PRDM16: variants seen among roughly 807,000 people sequenced by gnomAD.
PRDM16 encodes histone-lysine N-methyltransferase PRDM16.
PRDM16 carries 23 observed loss-of-function variants against 110.6 expected under a neutral mutation model. The ratio of observed to expected loss-of-function variants is 0.21; its 90% CI spans 0.15 to 0.29. The LOEUF (loss-of-function observed/expected upper bound fraction) is 0.29, where lower values mean the gene tolerates loss of function less well. Ranked by LOEUF, PRDM16 falls within the 10% of genes least tolerant of loss-of-function variation. The pLI, the probability that PRDM16 is intolerant of heterozygous loss-of-function variation, is 1.00. For missense variants in PRDM16, 1,615 were observed against 1,794.3 expected (o/e 0.90, Z 1.81); for synonymous variants, 799 against 781.8 (o/e 1.02, Z -0.37).
intron 3 of PRDM16, among the ~76,000 whole-genome samples, chr1:3,324,730 C>T (rs12411233): frequency 0.02 from 3,077 of 151,212 alleles, 163 homozygotes; most frequent in East Asian, 0.11. Flanking sequence ...CCCCTGATTC[C>T]GTCGTCACCC....
chr1:3,153,167 C>T (rs576296550), intron 1 of PRDM16, among the ~76,000 whole-genome samples: 1 of 152,334 alleles, frequency 6.6e-6, no homozygotes, highest in Non-Finnish European at 1.5e-5. Flanking sequence ...GTGACCCCTC[C>T]CCTGCCACCT....
At chr1:3,272,535 C>A (rs188117031) in intron 3 of PRDM16, among the ~76,000 whole-genome samples, 3 of 152,190 alleles carry the variant, frequency 2.0e-5, no homozygotes, top group African/African-American at 7.2e-5. Context: ...GGGAAACACC[C>A]GCCTCCTGGG....
At chr1:3,187,845 G>A (rs915247182) in intron 2 of PRDM16, among the ~76,000 whole-genome samples, 1 of 152,194 alleles carries the variant, frequency 6.6e-6, no homozygotes, top group Non-Finnish European at 1.5e-5. Flanking sequence ...GAGCTGTGGG[G>A]GTCCCGGTGC....
At chr1:3,357,169 G>A (rs1024135407) in intron 3 of PRDM16, among the ~76,000 whole-genome samples, 1 of 152,046 alleles carries the variant, frequency 6.6e-6, no homozygotes, top group Non-Finnish European at 1.5e-5. Flanking sequence ...GCCCTGGGAA[G>A]CCTCAGCAGC....
chr1:3,289,401 T>C (rs962504009), intron 3 of PRDM16, among the ~76,000 whole-genome samples: 2 of 152,198 alleles, frequency 1.3e-5, no homozygotes, highest in African/African-American at 4.8e-5. Context: ...TGGGTGTCTG[T>C]CGACAAATTC....
intron 3 of PRDM16, among the ~76,000 whole-genome samples, chr1:3,270,340 G>A (rs1490418730): frequency 6.8e-6 from 1 of 146,938 alleles, no homozygotes; most frequent in Non-Finnish European, 1.5e-5. Context: ...TGACAGTCAG[G>A]GAAGAGGACA....
At chr1:3,279,303 CT>C (rs1640658238) in intron 3 of PRDM16, among the ~76,000 whole-genome samples, 1 of 152,208 alleles carries the variant, frequency 6.6e-6, no homozygotes, top group Non-Finnish European at 1.5e-5. Flanking sequence ...GTCAGGCCGC[CT>C]CTGCAGCGGG....
chr1:3,135,732 G>A (rs574630976), intron 1 of PRDM16, among the ~76,000 whole-genome samples: 3 of 152,198 alleles, frequency 2.0e-5, no homozygotes, highest in Admixed American at 2.0e-4. Context: ...TTATAGGGTC[G>A]GGTTACCCCG....
intron 12 of PRDM16, among the ~76,000 whole-genome samples, chr1:3,419,739 C>T (rs1011761227): frequency 3.9e-5 from 6 of 152,082 alleles, no homozygotes; most frequent in African/African-American, 1.4e-4. Context: ...GTCTGTGTCT[C>T]CATCCCTGGG....
chr1:3,115,813 T>C (rs1283088462), intron 1 of PRDM16, among the ~76,000 whole-genome samples: 2 of 152,224 alleles, frequency 1.3e-5, no homozygotes, highest in African/African-American at 4.8e-5. Flanking sequence ...AGGTGCTGTC[T>C]TCCCAAAAGC....
chr1:3,125,602 C>T lies in PRDM16; in HGVS notation c.37+56306C>T, dbSNP rs139244884. On this transcript the variant is annotated intron_variant, in intron 1 of 16. Transcript: ENST00000270722. ...CTGGAGGAGCAATGAGTTAGGGGAGCGGCTGTGCAGGTCCCTGGACCGGGC... is the reference window on the plus strand; with the variant it reads ...CTGGAGGAGCAATGAGTTAGGGGAGTGGCTGTGCAGGTCCCTGGACCGGGC... Among the ~76,000 whole-genome samples the T allele has an allele frequency of 2.6e-3, 395 of 152,362 alleles. 4 individuals are homozygous for T. The highest frequency in any genetic ancestry group is 9.2e-3 in the African/African-American group (381 of 41,590).
chr1:3,179,088 A>G (rs1469488554), intron 1 of PRDM16, among the ~76,000 whole-genome samples: 1 of 152,258 alleles, frequency 6.6e-6, no homozygotes, highest in Non-Finnish European at 1.5e-5. Flanking sequence ...GGAGGAACTC[A>G]GACAAACCCC....
chr1:3,121,890 G>C (rs1320363595), intron 1 of PRDM16, among the ~76,000 whole-genome samples: 1 of 152,242 alleles, frequency 6.6e-6, no homozygotes, highest in Non-Finnish European at 1.5e-5. Context: ...CAGTACCCTG[G>C]GTGATGTAGT....
Position 3,194,690 on chromosome 1 carries a change from G to A in PRDM16, c.387+8216G>A, listed in dbSNP as rs371586051. Among the ~76,000 whole-genome samples the A allele has an allele frequency of 3.4e-4, 50 of 146,952 alleles. No homozygotes were observed. The East Asian group carries it at 8.4e-3, about 25-fold the overall frequency. Reference sequence around the variant, plus strand: ...ACATGCCACCGTCTGATCGCCACACGCCATCGTCTCCCCGCCACACGCCAC... The same window carrying A: ...ACATGCCACCGTCTGATCGCCACACACCATCGTCTCCCCGCCACACGCCAC... On this transcript the variant is annotated intron_variant, in intron 2 of 16. Transcript: ENST00000270722.
chr1:3,360,037 G>A (rs1430599663), intron 3 of PRDM16, among the ~76,000 whole-genome samples: 7 of 152,356 alleles, frequency 4.6e-5, no homozygotes, highest in African/African-American at 9.6e-5. Flanking sequence ...TTAGCGGGCC[G>A]CCATCCCTTG....
intron 3 of PRDM16, among the ~76,000 whole-genome samples, chr1:3,267,303 A>G (rs2455093): frequency 0.27 from 41,096 of 152,114 alleles, 7,462 homozygotes; most frequent in African/African-American, 0.49. Context: ...CACTGAACAT[A>G]ATGTTTTCAG....
intron 2 of PRDM16, among the ~76,000 whole-genome samples, chr1:3,241,938 C>G (rs1639683845): frequency 6.6e-6 from 1 of 152,210 alleles, no homozygotes; most frequent in Non-Finnish European, 1.5e-5. Context: ...CTAGCCCCCT[C>G]CGAATGTGAG....
At chr1:3,259,830 G>A (rs902689831) in intron 3 of PRDM16, among the ~76,000 whole-genome samples, 1 of 152,112 alleles carries the variant, frequency 6.6e-6, no homozygotes, top group Non-Finnish European at 1.5e-5. Flanking sequence ...CCCTCTCCAT[G>A]GTCAGGTCTG....
rs369331524 is a variant in PRDM16, at chr1:3,425,791, C to A, written c.3109+41C>A. On this transcript the variant is annotated intron_variant, in intron 13 of 16. Coordinates refer to ENST00000270722, the MANE Select transcript of PRDM16 (RefSeq NM_022114.4). The surrounding 1 kb of genome is among the most constrained non-coding windows in gnomAD (Gnocchi z 6.9). ...TGGGGCAGCCCCCAGAGCACCCACA[C>A]GGGCAGGCCCCACAGAGGGGGAGGG... 6.2e-7 allele frequency: 1 copy of A among 1,607,714 alleles called. No individual in the cohort carries two copies. The highest frequency in any genetic ancestry group is 8.5e-7 in the Non-Finnish European group (1 of 1,176,390).
Sources: allele counts gnomAD v4.1 joint callset (sites outside exome capture counted in the v4.1 genomes callset), GRCh38; gene constraint gnomAD v4.1.1; non-coding constraint Gnocchi (gnomAD v3.1); transcripts MANE v1.5; gene names NCBI Gene and HGNC (gene_info 2026-07-23, HGNC 2026-07-21).